The following STK33 variants were observed in gnomAD, a reference collection of about 807,000 sequenced individuals.
The protein encoded by STK33 is serine/threonine kinase 33, also known as serine/threonine-protein kinase 33.
Under a neutral mutation model 58.0 loss-of-function variants are expected in STK33, and 52 were observed. The ratio of observed to expected loss-of-function variants is 0.90; its 90% CI spans 0.72 to 1.13. The LOEUF (loss-of-function observed/expected upper bound fraction) is 1.13, where lower values mean the gene tolerates loss of function less well. STK33 is among the 50% of genes most tolerant of loss of function. STK33 has a pLI of 0.00. For synonymous variants in STK33, 215 were observed against 200.1 expected (o/e 1.07, Z -0.63); for missense variants, 630 against 604.2 (o/e 1.04, Z -0.45).
chr11:8,485,155 C>A (rs1409644138), intron 1 of STK33, among the ~76,000 whole-genome samples: 1 of 152,024 alleles, frequency 6.6e-6, no homozygotes, highest in Non-Finnish European at 1.5e-5. Flanking sequence ...TGTATCCAAC[C>A]ACATAGCCAT....
intron 1 of STK33, among the ~76,000 whole-genome samples, chr11:8,509,422 G>A (rs1355752982): frequency 6.6e-6 from 1 of 152,092 alleles, no homozygotes; most frequent in African/African-American, 2.4e-5. Context: ...TACGGGTAGG[G>A]TTTAAATAAC....
chr11:8,560,083 A>G (rs1368521175), intron 1 of STK33, among the ~76,000 whole-genome samples: 3 of 152,154 alleles, frequency 2.0e-5, no homozygotes, highest in African/African-American at 4.8e-5. Flanking sequence ...TTCTATTACA[A>G]ATGATGCTAT....
rs566849776 is a variant in STK33 at position 8,593,432 on chromosome 11, T to G, written c.-466+651A>C. ...CAAATATCCCTTACTAACGCTCAAGTGCTTTTCACATGTACTGTTCACAAA... is the reference window on the plus strand; with the variant it reads ...CAAATATCCCTTACTAACGCTCAAGGGCTTTTCACATGTACTGTTCACAAA... On this transcript the variant is annotated intron_variant, in intron 1 of 15. Transcript: ENST00000687296. 3.9e-5 allele frequency among the ~76,000 whole-genome samples: 6 copies of G among 152,304 alleles called. No individual in the cohort carries two copies. The East Asian group carries it at 1.2e-3, about 29-fold the overall frequency.
At chr11:8,492,278 A>C (rs1950683551) in intron 1 of STK33, among the ~76,000 whole-genome samples, 1 of 152,318 alleles carries the variant, frequency 6.6e-6, no homozygotes, top group African/African-American at 2.4e-5. Flanking sequence ...AAACAAAAAA[A>C]AAAGCAGGGG....
chr11:8,426,499 T>G (rs1942782434), intron 14 of STK33, among the ~76,000 whole-genome samples: 1 of 152,114 alleles, frequency 6.6e-6, no homozygotes, highest in Non-Finnish European at 1.5e-5. Context: ...TGCCTGGGGG[T>G]GGAGCCCTAG....
intron 1 of STK33, among the ~76,000 whole-genome samples, chr11:8,508,275 T>TTTTC: frequency 6.8e-6 from 1 of 146,316 alleles, no homozygotes; most frequent in South Asian, 2.2e-4. Context: ...TCTTTTTTTT[T>TTTTC]TTTTTTTTTT....
intron 15 of STK33, among the ~76,000 whole-genome samples, chr11:8,397,605 G>A (rs1252764649): frequency 1.3e-5 from 2 of 152,200 alleles, no homozygotes; most frequent in Non-Finnish European, 2.9e-5. Context: ...GAACAAAGCT[G>A]GACGGAGAAT....
chr11:8,575,348 A>C (rs942989398), intron 1 of STK33, among the ~76,000 whole-genome samples: 1 of 152,228 alleles, frequency 6.6e-6, no homozygotes, highest in African/African-American at 2.4e-5. Flanking sequence ...AGACACAAAC[A>C]ACCCAAGTGT....
chr11:8,392,827 G>C, intron 15 of STK33, 117 bp from the exon 16 acceptor site: 1 of 889,414 alleles, frequency 1.1e-6, no homozygotes, highest in South Asian at 1.6e-5. Context: ...TCTAGATATA[G>C]GGTCCAAACT....
chr11:8,337,638 CG>C, the STK33 span, among the ~76,000 whole-genome samples: 7 of 4,882 alleles, frequency 1.4e-3, no homozygotes, highest in Admixed American at 0.012. Context: ...TTGACGACGG[CG>C]GGGGGCGGGG....
chr11:8,482,966 C>T (rs903225579), intron 1 of STK33, among the ~76,000 whole-genome samples: 1 of 152,060 alleles, frequency 6.6e-6, no homozygotes, highest in Non-Finnish European at 1.5e-5. Flanking sequence ...CTCCTGACCT[C>T]ATAATCTGCC....
chr11:8,570,399 AAC>A (rs1957727727), intron 1 of STK33, among the ~76,000 whole-genome samples: 1 of 152,240 alleles, frequency 6.6e-6, no homozygotes. Flanking sequence ...ATGAATGAAT[AAC>A]TCCAATCTTA....
At chr11:8,536,439 T>A (rs373116959) in intron 1 of STK33, among the ~76,000 whole-genome samples, 1 of 152,036 alleles carries the variant, frequency 6.6e-6, no homozygotes, top group African/African-American at 2.4e-5. Flanking sequence ...ACACCAAGAA[T>A]AAAGAGAAGA....
rs558859350 is a variant in STK33, at chr11:8,393,769, G to C, written c.1345-1059C>G. 9.8e-5 allele frequency among the ~76,000 whole-genome samples: 15 copies of C among 152,326 alleles called. No individual in the cohort carries two copies. In the South Asian group the frequency reaches 1.0e-3, roughly 11 times the overall value. On this transcript the variant is annotated intron_variant, in intron 15 of 15. Coordinates refer to ENST00000687296, the MANE Select transcript of STK33 (RefSeq NM_001352389.2). ...TGTTTCTTTGATCATTCAGGTTCTT[G>C]TGATGTAATGACCACGTTTAATATT...
intron 11 of STK33, among the ~76,000 whole-genome samples, chr11:8,449,870 G>A (rs73403636): frequency 0.082 from 12,413 of 152,208 alleles, 1,135 homozygotes; most frequent in African/African-American, 0.23. Flanking sequence ...TCACGTCAGT[G>A]AGAATGGTGA....
chr11:8,340,107 C>G, the STK33 span, among the ~76,000 whole-genome samples: 2 of 152,354 alleles, frequency 1.3e-5, no homozygotes, highest in South Asian at 4.1e-4. Flanking sequence ...AAATGAGTAC[C>G]TCCAACAGCC....
chr11:8,536,925 G>A (rs1955052254), intron 1 of STK33, among the ~76,000 whole-genome samples: 1 of 127,512 alleles, frequency 7.8e-6, no homozygotes, highest in Non-Finnish European at 1.6e-5. Flanking sequence ...AGGACTATAG[G>A]CATGCACTGC....
At chr11:8,527,508 T>TA (rs1954154898) in intron 1 of STK33, among the ~76,000 whole-genome samples, 1 of 152,122 alleles carries the variant, frequency 6.6e-6, no homozygotes, top group Non-Finnish European at 1.5e-5. Context: ...CCCAAGGTAT[T>TA]TCCCCAGGAA....
chr11:8,593,227 C>T (rs1056505530), intron 1 of STK33, among the ~76,000 whole-genome samples: 1 of 152,160 alleles, frequency 6.6e-6, no homozygotes, highest in Admixed American at 6.5e-5. Flanking sequence ...GCCTGGAGAA[C>T]AAGGAAAGAG....
Sources: allele counts gnomAD v4.1 joint callset (sites outside exome capture counted in the v4.1 genomes callset), GRCh38; gene constraint gnomAD v4.1.1; transcripts MANE v1.5; gene names NCBI Gene and HGNC (gene_info 2026-07-23, HGNC 2026-07-21).